CHORDC1: variants seen among roughly 807,000 people sequenced by gnomAD.
The protein encoded by CHORDC1 is cysteine and histidine rich domain containing 1, also known as cysteine and histidine-rich domain-containing protein 1.
Under a neutral mutation model 48.3 loss-of-function variants are expected in CHORDC1, and 25 were observed. That is an observed-to-expected ratio of 0.52 (90% CI 0.38 to 0.72). The LOEUF is 0.72. Among genes scored for constraint, CHORDC1 ranks in the 30% least tolerant of loss-of-function variants. The pLI is 0.00. For missense variants in CHORDC1, 317 were observed against 388.7 expected (o/e 0.82, Z 1.55); for synonymous variants, 128 against 126.4 (o/e 1.01, Z -0.09).
intron 1 of CHORDC1, 76 bp from the exon 2 acceptor site, chr11:90,218,260 A>C: frequency 9.0e-7 from 1 of 1,113,350 alleles, no homozygotes; most frequent in South Asian, 1.5e-5. Flanking sequence ...CATCTCCTTA[A>C]GGTGTTAACC....
At chr11:90,204,701 T>A (rs974600652) in intron 8 of CHORDC1, among the ~76,000 whole-genome samples, 11 of 151,542 alleles carry the variant, frequency 7.3e-5, no homozygotes, top group African/African-American at 2.7e-4. Flanking sequence ...AGAGCGAGAC[T>A]CTGTCTCAAG....
rs1055153656 is a variant in CHORDC1 at position 90,201,009 on chromosome 11, T to G, written c.*1396A>C. ...TCATGGTAATGTAACATCATGAAAG[T>G]CTGGTTGCCAGATCTTTATGTTTTT... On this transcript the variant is annotated 3_prime_UTR_variant, in exon 11 of 11. Transcript: ENST00000320585. Among the ~76,000 whole-genome samples the G allele has an allele frequency of 1.1e-4, 16 of 152,008 alleles. No individual in the cohort carries two copies. The highest frequency in any genetic ancestry group is 3.9e-4 in the African/African-American group (16 of 41,456).
At chr11:90,213,200 C>A (rs1815750732) in intron 4 of CHORDC1, 1 of 462,448 alleles carries the variant, frequency 2.2e-6, no homozygotes, top group Admixed American at 3.6e-5. Context: ...CATCTAAAGT[C>A]TCTTAGGGTT....
At position 90,211,313 on chromosome 11, in the gene CHORDC1, T is replaced by A. The variant is rs1178098447; in HGVS notation, c.335A>T (p.Asp112Val). 1 of 1,601,808 alleles carries A rather than the reference T, an allele frequency of 6.2e-7. No homozygotes were observed. ...PVEAIKRPSP[D>V]EPMTNLELKI... ...TAATTCCAAATTTGTCATTGGTTCA[T>A]CTGGGCTGGAGAATTTTGAAACCTT... The change falls in exon 5 of 11, where the codon GAT becomes GTT. Residue 112 changes from aspartate (D) to valine (V), a missense_variant. Asp to Val is a radical substitution (Grantham distance 152). Transcript: ENST00000320585.
intron 6 of CHORDC1, among the ~76,000 whole-genome samples, chr11:90,210,105 C>G (rs770897308): frequency 5.3e-5 from 8 of 152,202 alleles, no homozygotes; most frequent in Non-Finnish European, 1.0e-4. Flanking sequence ...ATGAAGATTT[C>G]TGATTTAGTG....
chr11:90,205,395 A>C (rs1857652290), intron 8 of CHORDC1, 65 bp downstream of exon 8: 5 of 1,025,978 alleles, frequency 4.9e-6, no homozygotes, highest in Non-Finnish European at 6.0e-6. Flanking sequence ...GAATAATTTC[A>C]AATCTTTAAA....
In CHORDC1 at chr11:90,222,929, C is replaced by A; in HGVS notation, c.26G>T (p.Gly9Val). ...CTCAGGATCGAAGCGCTGACCGCAG[C>A]CCCGGTTGTAGCACAGCAAGGCCAT... MALLCYNR[G>V]CGQRFDPETN... The change falls in exon 1 of 11, where the codon GGC becomes GTC. Residue 9 changes from glycine (G) to valine (V), a missense_variant. Physicochemically the swap from Gly to Val is moderately radical, Grantham distance 109. Coordinates refer to ENST00000320585, the MANE Select transcript of CHORDC1 (RefSeq NM_012124.3). 1 of 1,614,108 alleles carries A rather than the reference C, an allele frequency of 6.2e-7. No individual in the cohort carries two copies. Among genetic ancestry groups the A allele is most frequent in the Non-Finnish European group, 8.5e-7 (1 of 1,179,972 alleles).
chr11:90,213,859 A>C, intron 4 of CHORDC1, 159 bp downstream of exon 4: 1 of 593,988 alleles, frequency 1.7e-6, no homozygotes, highest in Non-Finnish European at 2.9e-6. Context: ...GAAGAGAAAT[A>C]AAAATTTAAG....
chr11:90,209,746 C>T (rs1307029329), intron 6 of CHORDC1, among the ~76,000 whole-genome samples: 1 of 152,186 alleles, frequency 6.6e-6, no homozygotes, highest in Non-Finnish European at 1.5e-5. Context: ...ACAAACTACT[C>T]TCCAATCCCA....
rs1240237130 is a variant in CHORDC1 at position 90,211,277 on chromosome 11, G to T, written c.371C>A (p.Ala124Asp). 1.2e-6 allele frequency: 2 copies of T among 1,609,266 alleles called. No individual in the cohort carries two copies. Among genetic ancestry groups the T allele is most frequent in the African/African-American group, 2.7e-5 (2 of 74,742 alleles). The change falls in exon 5 of 11, where the codon GCC (alanine) becomes GAC (aspartate). Residue 124 changes from alanine to aspartate, a missense_variant. Ala to Asp is a moderately radical substitution (Grantham distance 126). Coordinates refer to ENST00000320585, the MANE Select transcript of CHORDC1 (RefSeq NM_012124.3). The part of the protein sequence containing the change: ...PMTNLELKIS[A>D]SLKQALDKLK... Reference sequence around the variant, plus strand: ...TTTATCAAGTGCTTGTTTTAGGGAGGCAGATATTTTTAATTCCAAATTTGT... The same window carrying T: ...TTTATCAAGTGCTTGTTTTAGGGAGTCAGATATTTTTAATTCCAAATTTGT...
intron 5 of CHORDC1, 23 bp downstream of exon 5, chr11:90,211,192 A>G: frequency 6.9e-7 from 1 of 1,450,060 alleles, no homozygotes; most frequent in Non-Finnish European, 9.6e-7. Context: ...AATAATTAAC[A>G]ATAAAACAAA....
intron 6 of CHORDC1, chr11:90,206,522 C>G (rs537298905): frequency 1.9e-5 from 8 of 418,560 alleles, no homozygotes; most frequent in Admixed American, 3.8e-5. Flanking sequence ...AGTATGAGAT[C>G]CCATCCAATC....
chr11:90,208,691 T>C (rs934206545), intron 6 of CHORDC1: 1 of 152,116 alleles, frequency 6.6e-6, no homozygotes, highest in African/African-American at 2.4e-5. Context: ...AGAAAAACAT[T>C]TGAGGAAGAT....
At chr11:90,216,825 G>C (rs537569769) in intron 2 of CHORDC1, among the ~76,000 whole-genome samples, 25 of 152,254 alleles carry the variant, frequency 1.6e-4, no homozygotes, top group African/African-American at 5.5e-4. Context: ...GAAATATGTT[G>C]TAAGAGCCAT....
At chr11:90,206,407 C>A in intron 6 of CHORDC1, 135 bp from the exon 7 acceptor site, 1 of 593,850 alleles carries the variant, frequency 1.7e-6, no homozygotes, top group Non-Finnish European at 3.0e-6. Context: ...TTCATAAATC[C>A]ATCCCACGCC....
chr11:90,209,511 A>C (rs1312294369), intron 6 of CHORDC1: 1 of 152,234 alleles, frequency 6.6e-6, no homozygotes, highest in Non-Finnish European at 1.5e-5. Flanking sequence ...CAAAGAAAAA[A>C]AATCCCTATC....
intron 1 of CHORDC1, among the ~76,000 whole-genome samples, chr11:90,219,669 T>C (rs752216954): frequency 6.6e-6 from 1 of 152,182 alleles, no homozygotes; most frequent in African/African-American, 2.4e-5. Context: ...ATCCCTTTAT[T>C]TCCCGTAAGG....
intron 8 of CHORDC1, among the ~76,000 whole-genome samples, chr11:90,203,833 T>C (rs1331725871): frequency 6.6e-6 from 1 of 152,158 alleles, no homozygotes; most frequent in Non-Finnish European, 1.5e-5. Context: ...GACAACACCT[T>C]AACCTCATGC....
chr11:90,205,874 A>C (rs1163657594), intron 7 of CHORDC1: 5 of 437,170 alleles, frequency 1.1e-5, no homozygotes, highest in Non-Finnish European at 2.0e-5. Flanking sequence ...CCCAGGGCCC[A>C]AAATTCTAAA....
Sources: gnomAD v4.1 joint callset for allele counts (sites outside exome capture counted in the v4.1 genomes callset) on GRCh38, gnomAD v4.1.1 for gene constraint, MANE v1.5 for transcripts, NCBI Gene and HGNC (gene_info 2026-07-23, HGNC 2026-07-21) for gene names.